Variants in ARHGAP10 observed in about 807,000 individuals in gnomAD.
ARHGAP10 encodes the protein Rho GTPase activating protein 10.
ARHGAP10 carries 87 observed loss-of-function variants against 108.6 expected under a neutral mutation model. The observed-to-expected ratio is 0.80, with a 90% CI of 0.67 to 0.96. The LOEUF (loss-of-function observed/expected upper bound fraction) is 0.96. Among genes scored for constraint, ARHGAP10 ranks in the 40% least tolerant of loss-of-function variants. The probability of loss-of-function intolerance (pLI) is 0.00; values close to 1 mark genes in which losing one functional copy is unlikely to be tolerated. For missense variants in ARHGAP10, 939 were observed against 954.5 expected, an observed-to-expected ratio of 0.98 and a Z score of 0.21; for synonymous variants, 347 against 341.1, an observed-to-expected ratio of 1.02 and a Z score of -0.19.
At chr4:147,771,014 A>C (rs1730054771) in intron 1 of ARHGAP10, among the ~76,000 whole-genome samples, 1 of 152,084 alleles carries the variant, frequency 6.6e-6, no homozygotes, top group Admixed American at 6.5e-5. Flanking sequence ...GGAGACCAGT[A>C]ATACTGGATT....
At chr4:148,047,182 AG>A (rs2149680430) in intron 20 of ARHGAP10, 131 bp downstream of exon 20, 2 of 1,118,978 alleles carry the variant, frequency 1.8e-6, no homozygotes, top group Non-Finnish European at 1.2e-6. Flanking sequence ...TCTTATCAGA[AG>A]GGCCACCAAA....
chr4:147,814,060 C>T (rs1388697764), intron 1 of ARHGAP10, among the ~76,000 whole-genome samples: 1 of 151,992 alleles, frequency 6.6e-6, no homozygotes, highest in Non-Finnish European at 1.5e-5. Flanking sequence ...AAATCTGGAC[C>T]CCTCCGTTCC....
chr4:147,826,569 T>C (rs1168007000), intron 3 of ARHGAP10, among the ~76,000 whole-genome samples: 1 of 152,196 alleles, frequency 6.6e-6, no homozygotes, highest in Non-Finnish European at 1.5e-5. Flanking sequence ...AATGCTTTCT[T>C]CCTTTTTAGC....
intron 20 of ARHGAP10, among the ~76,000 whole-genome samples, chr4:148,051,260 C>A (rs1231943645): frequency 1.3e-5 from 2 of 152,218 alleles, no homozygotes; most frequent in African/African-American, 4.8e-5. Flanking sequence ...TGGGTGACTT[C>A]ATTGCCAGTG....
chr4:147,814,206 G>A lies in ARHGAP10; in HGVS notation c.155-8521G>A, dbSNP rs150400795. Among the ~76,000 whole-genome samples the A allele has an allele frequency of 1.3e-4, 19 of 151,962 alleles. No homozygotes were observed. The East Asian group carries it at 3.1e-3, about 25-fold the overall frequency. ...ATAGATGCCCAACAAGTCGTTGGTC[G>A]TTTCTTGTGGTTCATTTAGTTCTTA... On this transcript the variant is annotated intron_variant, in intron 1 of 22. Coordinates refer to ENST00000336498, the MANE Select transcript of ARHGAP10 (RefSeq NM_024605.4).
At chr4:147,762,404 G>GCC (rs1729624244) in intron 1 of ARHGAP10, among the ~76,000 whole-genome samples, 1 of 152,060 alleles carries the variant, frequency 6.6e-6, no homozygotes, top group Non-Finnish European at 1.5e-5. Flanking sequence ...AAGATAATTA[G>GCC]TTTTAGAAGG....
intron 1 of ARHGAP10, among the ~76,000 whole-genome samples, chr4:147,789,748 CT>C (rs757246128): frequency 2.3e-4 from 35 of 152,278 alleles, no homozygotes; most frequent in Middle Eastern, 3.4e-3. Context: ...GAACTCTGAC[CT>C]TTTGTATTTT....
intron 10 of ARHGAP10, among the ~76,000 whole-genome samples, chr4:147,897,914 C>T (rs574761434): frequency 6.6e-5 from 10 of 152,178 alleles, no homozygotes; most frequent in African/African-American, 2.2e-4. Context: ...GCCCAGGCAG[C>T]GTGTTCTCAG....
intron 1 of ARHGAP10, 119 bp from the exon 2 acceptor site, chr4:147,822,608 C>T (rs1441286951): frequency 4.0e-6 from 4 of 1,003,462 alleles, no homozygotes; most frequent in Non-Finnish European, 6.0e-6. Context: ...TGGGTCATGC[C>T]TTCTCATAGA....
chr4:147,880,755 A>T (rs748597331), intron 9 of ARHGAP10, among the ~76,000 whole-genome samples: 1 of 152,238 alleles, frequency 6.6e-6, no homozygotes, highest in African/African-American at 2.4e-5. Flanking sequence ...GAGAAATTGC[A>T]TAGATTAAAT....
chr4:147,823,395 G>A (rs148724702), intron 3 of ARHGAP10, among the ~76,000 whole-genome samples: 10 of 152,232 alleles, frequency 6.6e-5, no homozygotes, highest in African/African-American at 1.9e-4. Flanking sequence ...GAAAGGGAGA[G>A]AACTTGGGCC....
chr4:148,038,521 C>T (rs947891466), intron 19 of ARHGAP10, among the ~76,000 whole-genome samples: 3 of 152,174 alleles, frequency 2.0e-5, no homozygotes, highest in Non-Finnish European at 4.4e-5. Flanking sequence ...TATCCTTTCT[C>T]CTCCCCTACC....
chr4:148,023,488 A>G, intron 19 of ARHGAP10, 75 bp downstream of exon 19: 2 of 1,418,798 alleles, frequency 1.4e-6, no homozygotes, highest in Admixed American at 2.1e-5. Context: ...AGGGCAGGCC[A>G]CAGTTTTCTG....
chr4:147,854,543 TG>T (rs1734013123), intron 4 of ARHGAP10, among the ~76,000 whole-genome samples: 1 of 152,228 alleles, frequency 6.6e-6, no homozygotes, highest in African/African-American at 2.4e-5. Context: ...ACTTGATCCT[TG>T]TTGGAACTTT....
At chr4:147,995,097 T>G (rs1452807676) in intron 18 of ARHGAP10, among the ~76,000 whole-genome samples, 1 of 152,236 alleles carries the variant, frequency 6.6e-6, no homozygotes, top group Admixed American at 6.5e-5. Flanking sequence ...CTATGTAACT[T>G]AAAACCCTTT....
chr4:147,757,926 A>C (rs1008290810), intron 1 of ARHGAP10, among the ~76,000 whole-genome samples: 1 of 152,168 alleles, frequency 6.6e-6, no homozygotes, highest in African/African-American at 2.4e-5. Context: ...CACCAGGGCC[A>C]GGGAGAAGAG....
At chr4:147,906,957 G>A (rs144321012) in intron 11 of ARHGAP10, among the ~76,000 whole-genome samples, 1 of 152,170 alleles carries the variant, frequency 6.6e-6, no homozygotes, top group East Asian at 1.9e-4. Context: ...ACTCTGATTT[G>A]CTTTGCTTGA....
chr4:148,065,919 G>A (rs1419652492), intron 22 of ARHGAP10, among the ~76,000 whole-genome samples: 1 of 139,624 alleles, frequency 7.2e-6, no homozygotes, highest in African/African-American at 2.7e-5. Context: ...GCTGAGGCAG[G>A]AGGATCACTT....
chr4:147,755,689 C>A lies in ARHGAP10; in HGVS notation c.154+23234C>A, dbSNP rs1324692441. Among the ~76,000 whole-genome samples the A allele has an allele frequency of 4.8e-4, 73 of 152,136 alleles. 1 individual carries two copies. Among genetic ancestry groups the A allele is most frequent in the Non-Finnish European group, 1.5e-5 (1 of 68,020 alleles). ...TATAAACACAGTTAAATAGATACTGCCTCTTGTCCTTCTCTTGCCCTTATA... is the reference window on the plus strand; with the variant it reads ...TATAAACACAGTTAAATAGATACTGACTCTTGTCCTTCTCTTGCCCTTATA... On this transcript the variant is annotated intron_variant, in intron 1 of 22. Coordinates refer to ENST00000336498, the MANE Select transcript of ARHGAP10 (RefSeq NM_024605.4).
Sources: allele counts gnomAD v4.1 joint callset (sites outside exome capture counted in the v4.1 genomes callset), GRCh38; gene constraint gnomAD v4.1.1; transcripts MANE v1.5; gene names NCBI Gene and HGNC (gene_info 2026-07-23, HGNC 2026-07-21).